Variants in KHDRBS2 observed in about 807,000 individuals in gnomAD.
KHDRBS2 encodes KH domain-containing, RNA-binding, signal transduction-associated protein 2.
A neutral mutation model predicts 44.3 loss-of-function variants in KHDRBS2; 26 were observed. The observed-to-expected ratio is 0.59, with a 90% confidence interval of 0.43 to 0.81. KHDRBS2 has a LOEUF of 0.81. Ranked by LOEUF, KHDRBS2 falls within the 40% of genes least tolerant of loss-of-function variation. The pLI is 0.00. For synonymous variants in KHDRBS2, 194 were observed against 151.1 expected, an observed-to-expected ratio of 1.28 and a Z score of -2.08; for missense variants, 476 against 433.1, an observed-to-expected ratio of 1.10 and a Z score of -0.88.
chr6:62,062,115 C>T (rs968134871), intron 2 of KHDRBS2, among the ~76,000 whole-genome samples: 5 of 148,942 alleles, frequency 3.4e-5, no homozygotes, highest in African/African-American at 4.9e-5. Flanking sequence ...CAGGAGCACC[C>T]AGATTCATAA....
At chr6:61,695,754 T>C (rs1408482877) in intron 8 of KHDRBS2, among the ~76,000 whole-genome samples, 8 of 152,162 alleles carry the variant, frequency 5.3e-5, no homozygotes, top group Admixed American at 5.2e-4. Flanking sequence ...ATTGTGGTGG[T>C]GGCTTATTTT....
intron 6 of KHDRBS2, among the ~76,000 whole-genome samples, chr6:61,774,674 A>C (rs1240502899): frequency 6.6e-6 from 1 of 152,150 alleles, no homozygotes; most frequent in East Asian, 1.9e-4. Flanking sequence ...CAAAAAGTCG[A>C]GGACCAGATG....
chr6:61,856,658 A>C (rs1232871666), intron 6 of KHDRBS2, among the ~76,000 whole-genome samples: 1 of 151,984 alleles, frequency 6.6e-6, no homozygotes, highest in African/African-American at 2.4e-5. Flanking sequence ...TTTAGAAAGT[A>C]GATGTAGAAG....
chr6:62,037,548 A>T (rs1344286345), intron 3 of KHDRBS2, among the ~76,000 whole-genome samples: 1 of 152,012 alleles, frequency 6.6e-6, no homozygotes, highest in Non-Finnish European at 1.5e-5. Context: ...AAAACACCCA[A>T]AAACGAAGAG....
chr6:61,915,864 T>G (rs1264056549), intron 4 of KHDRBS2, among the ~76,000 whole-genome samples: 1 of 151,966 alleles, frequency 6.6e-6, no homozygotes, highest in African/African-American at 2.4e-5. Context: ...AACACCTCAA[T>G]TTTACTCAGG....
chr6:61,713,021 G>T (rs1301064988), intron 7 of KHDRBS2, among the ~76,000 whole-genome samples: 2 of 151,404 alleles, frequency 1.3e-5, no homozygotes, highest in Admixed American at 6.6e-5. Context: ...TATTTATAAT[G>T]ATTTATATCT....
intron 2 of KHDRBS2, among the ~76,000 whole-genome samples, chr6:62,134,978 T>G (rs1195608153): frequency 6.6e-6 from 1 of 152,148 alleles, no homozygotes; most frequent in African/African-American, 2.4e-5. Flanking sequence ...ACTGTGGGCT[T>G]TTGAGTTAAT....
the KHDRBS2 span, among the ~76,000 whole-genome samples, chr6:61,589,159 T>G: frequency 6.6e-6 from 1 of 152,086 alleles, no homozygotes; most frequent in Admixed American, 6.6e-5. Flanking sequence ...GGTTGATAGG[T>G]GCAGCAAACC....
the KHDRBS2 span, among the ~76,000 whole-genome samples, chr6:61,629,994 C>A: frequency 1.1e-4 from 16 of 152,098 alleles, no homozygotes; most frequent in Non-Finnish European, 1.9e-4. Context: ...GTACTTTCAA[C>A]CATTTACAGG....
chr6:62,003,495 A>G (rs1778651339), intron 3 of KHDRBS2, among the ~76,000 whole-genome samples: 1 of 152,114 alleles, frequency 6.6e-6, no homozygotes, highest in East Asian at 1.9e-4. Context: ...CTCCCAATAT[A>G]GGAGCACCCA....
the KHDRBS2 span, among the ~76,000 whole-genome samples, chr6:61,615,199 C>A: frequency 7.7e-6 from 1 of 129,962 alleles, no homozygotes; most frequent in Admixed American, 9.2e-5. Flanking sequence ...CACCACTGCA[C>A]TCCAGCCTGG....
chr6:61,924,622 A>G (rs1460920091), intron 4 of KHDRBS2, among the ~76,000 whole-genome samples: 1 of 151,934 alleles, frequency 6.6e-6, no homozygotes, highest in African/African-American at 2.4e-5. Flanking sequence ...TATAGATAAT[A>G]TGTCTCATCA....
the KHDRBS2 span, among the ~76,000 whole-genome samples, chr6:61,568,244 C>T: frequency 8.5e-5 from 13 of 152,094 alleles, no homozygotes; most frequent in African/African-American, 3.1e-4. Context: ...GTACTATAGC[C>T]TTGGATGATA....
At chr6:61,717,884 A>C (rs1007791777) in intron 7 of KHDRBS2, among the ~76,000 whole-genome samples, 3 of 152,102 alleles carry the variant, frequency 2.0e-5, no homozygotes, top group Non-Finnish European at 4.4e-5. Context: ...TTTGAGGTAC[A>C]TAACAGACGT....
At chr6:61,589,055 T>G in the KHDRBS2 span, among the ~76,000 whole-genome samples, 1 of 150,344 alleles carries the variant, frequency 6.7e-6, no homozygotes, top group Non-Finnish European at 1.5e-5. Context: ...TCACACACAC[T>G]AGGGCCTGTC....
intron 7 of KHDRBS2, among the ~76,000 whole-genome samples, chr6:61,705,333 C>A (rs1461158959): frequency 6.6e-6 from 1 of 151,686 alleles, no homozygotes; most frequent in African/African-American, 2.4e-5. Context: ...CTTTAACATT[C>A]TTCTACTTCT....
chr6:61,833,465 A>G (rs1335652840), intron 6 of KHDRBS2, among the ~76,000 whole-genome samples: 9 of 152,126 alleles, frequency 5.9e-5, no homozygotes, highest in African/African-American at 2.2e-4. Flanking sequence ...ATATAATACC[A>G]TATGTTCAGC....
intron 1 of KHDRBS2, among the ~76,000 whole-genome samples, chr6:62,232,681 G>C (rs1412456546): frequency 1.3e-5 from 2 of 152,064 alleles, no homozygotes; most frequent in Non-Finnish European, 2.9e-5. Flanking sequence ...CCTACGTATA[G>C]CCAGGTAAAC....
chr6:62,030,113 T>TA (rs1156321555), intron 3 of KHDRBS2, among the ~76,000 whole-genome samples: 1 of 151,864 alleles, frequency 6.6e-6, no homozygotes, highest in Non-Finnish European at 1.5e-5. Context: ...GATTCACCAA[T>TA]AAAATGTCAG....
Sources: gnomAD v4.1 joint callset for allele counts (sites outside exome capture counted in the v4.1 genomes callset) on GRCh38, gnomAD v4.1.1 for gene constraint, MANE v1.5 for transcripts, NCBI Gene and HGNC (gene_info 2026-07-23, HGNC 2026-07-21) for gene names.